Variants in CNGB3 observed in about 807,000 individuals in gnomAD.
The protein encoded by CNGB3 is cyclic nucleotide-gated channel beta-3.
CNGB3 carries 86 observed loss-of-function variants against 92.8 expected under a neutral mutation model. The observed-to-expected ratio is 0.93, with a 90% CI of 0.78 to 1.11. The LOEUF (loss-of-function observed/expected upper bound fraction) is 1.11. CNGB3 is among the 50% of genes least tolerant of loss of function. The probability of loss-of-function intolerance (pLI) is 0.00; values close to 1 mark genes in which losing one functional copy is unlikely to be tolerated. For synonymous variants in CNGB3, 333 were observed against 332.7 expected, an observed-to-expected ratio of 1.00 and a Z score of -0.01; for missense variants, 1,026 against 956.8, an observed-to-expected ratio of 1.07 and a Z score of -0.95.
chr8:86,579,322 T>C (rs1227539324), intron 15 of CNGB3, 70 bp from the exon 16 acceptor site: 1 of 1,533,524 alleles, frequency 6.5e-7, no homozygotes, highest in Non-Finnish European at 9.0e-7. Context: ...TTTAAAAAAA[T>C]AGCAACTATT....
intron 15 of CNGB3, chr8:86,594,379 C>G (rs1822123865): frequency 3.3e-6 from 1 of 305,196 alleles, no homozygotes. Flanking sequence ...CCTTCATTTT[C>G]TTGTAGGAAA....
chr8:86,658,618 A>T, intron 6 of CNGB3: 1 of 350,044 alleles, frequency 2.9e-6, no homozygotes, highest in Non-Finnish European at 5.4e-6. Context: ...TACTGATCTC[A>T]CTACTGCTGT....
chr8:86,698,388 A>G (rs968316833), intron 3 of CNGB3, among the ~76,000 whole-genome samples: 2 of 152,208 alleles, frequency 1.3e-5, no homozygotes, highest in Non-Finnish European at 2.9e-5. Context: ...TAATGAGTGG[A>G]ATAAAAAGCA....
At chr8:86,692,138 A>G (rs1824331428) in intron 3 of CNGB3, among the ~76,000 whole-genome samples, 1 of 152,114 alleles carries the variant, frequency 6.6e-6, no homozygotes, top group Admixed American at 6.5e-5. Flanking sequence ...CTTGTTTCGT[A>G]TTCTGTCATG....
In CNGB3 at chr8:86,594,487, C is replaced by T. The variant is rs116276368; in HGVS notation, c.1781+9606G>A. 1,622 of 290,028 alleles carry T rather than the reference C, an allele frequency of 5.6e-3. 25 individuals carry two copies. The highest frequency in any genetic ancestry group is 0.034 in the African/African-American group (1,493 of 43,614). The allele number at this position is 290,028 out of a possible 1,614,324, so 18.0% of individuals were successfully genotyped here. On this transcript the variant is annotated intron_variant, in intron 15 of 17. Coordinates refer to ENST00000320005, the MANE Select transcript of CNGB3 (RefSeq NM_019098.5). ...TAAAGACGTGGTCCAGGAGGGGACC[C>T]GACACGTAGCTCTGGAAGCCAGCCT...
chr8:86,686,415 G>A (rs1824189216), intron 3 of CNGB3, among the ~76,000 whole-genome samples: 1 of 152,066 alleles, frequency 6.6e-6, no homozygotes, highest in African/African-American at 2.4e-5. Context: ...ATTTGCATTT[G>A]CAACTTGATT....
At chr8:86,677,383 C>T (rs902724287) in intron 3 of CNGB3, among the ~76,000 whole-genome samples, 8 of 152,058 alleles carry the variant, frequency 5.3e-5, no homozygotes, top group Non-Finnish European at 7.4e-5. Flanking sequence ...AAACTTGAGT[C>T]GTAAGTTAAG....
At chr8:86,681,640 A>C (rs1443846951) in intron 3 of CNGB3, among the ~76,000 whole-genome samples, 7 of 152,194 alleles carry the variant, frequency 4.6e-5, no homozygotes, top group African/African-American at 1.7e-4. Context: ...GAAATGAATA[A>C]GAGAAAACTC....
At chr8:86,668,807 G>A (rs1309602462) in intron 4 of CNGB3, among the ~76,000 whole-genome samples, 1 of 152,114 alleles carries the variant, frequency 6.6e-6, no homozygotes, top group Non-Finnish European at 1.5e-5. Flanking sequence ...CTCTAGTGAG[G>A]GAAATGTCCT....
intron 13 of CNGB3, among the ~76,000 whole-genome samples, chr8:86,625,583 T>C (rs1293836366): frequency 6.6e-6 from 1 of 152,176 alleles, no homozygotes; most frequent in East Asian, 1.9e-4. Context: ...ATAGAAGACA[T>C]GATTAGGTAT....
chr8:86,721,587 G>T (rs1159420094), intron 3 of CNGB3, among the ~76,000 whole-genome samples: 1 of 152,026 alleles, frequency 6.6e-6, no homozygotes, highest in East Asian at 1.9e-4. Flanking sequence ...ATGATCTGTT[G>T]TTTAAATTGT....
chr8:86,697,532 A>G (rs1222137783), intron 3 of CNGB3, among the ~76,000 whole-genome samples: 1 of 152,238 alleles, frequency 6.6e-6, no homozygotes, highest in Non-Finnish European at 1.5e-5. Flanking sequence ...TTCCAACTGT[A>G]TGAAAGATAT....
At chr8:86,719,470 G>A (rs1269284721) in intron 3 of CNGB3, among the ~76,000 whole-genome samples, 1 of 152,050 alleles carries the variant, frequency 6.6e-6, no homozygotes, top group Non-Finnish European at 1.5e-5. Context: ...TAATGAGGAG[G>A]TAAAAGACCT....
In CNGB3 at chr8:86,611,498, C is replaced by G. The variant is rs1287341684; in HGVS notation, c.1662+90G>C. ...TCTATACTATGGAATTCACCCTGAA[C>G]AAATTTTGTTTAAACAATGTTCTTG... is the stretch of plus-strand genomic sequence containing the variant. On this transcript the variant is annotated intron_variant, in intron 14 of 17. Transcript: ENST00000320005. 6.0e-6 allele frequency: 6 copies of G among 1,000,820 alleles called. No individual in the cohort carries two copies. In the African/African-American group the frequency reaches 6.3e-5, roughly 11 times the overall value. The allele number at this position is 1,000,820 out of a possible 1,614,324, so 62.0% of individuals were successfully genotyped here.
intron 10 of CNGB3, among the ~76,000 whole-genome samples, chr8:86,635,280 C>T (rs971511251): frequency 6.6e-6 from 1 of 152,012 alleles, no homozygotes; most frequent in Non-Finnish European, 1.5e-5. Context: ...ATTTATTAAA[C>T]CTGACATTAC....
At chr8:86,656,728 C>G (rs1823514265) in intron 6 of CNGB3, among the ~76,000 whole-genome samples, 1 of 152,100 alleles carries the variant, frequency 6.6e-6, no homozygotes, top group South Asian at 2.1e-4. Flanking sequence ...CTCCCACCCC[C>G]CCAACCAAAA....
chr8:86,708,763 G>A (rs1196799504), intron 3 of CNGB3, among the ~76,000 whole-genome samples: 4 of 151,654 alleles, frequency 2.6e-5, no homozygotes, highest in Non-Finnish European at 5.9e-5. Flanking sequence ...TAAAGATGGG[G>A]TCTTGCTCTG....
Position 86,734,269 on chromosome 8 carries a change from A to G in CNGB3, c.211+5386T>C, listed in dbSNP as rs530359841. Among the ~76,000 whole-genome samples the G allele has an allele frequency of 7.6e-4, 116 of 152,226 alleles. No homozygotes were observed. In the Middle Eastern group the frequency reaches 0.01, roughly 13 times the overall value. On this transcript the variant is annotated intron_variant, in intron 2 of 17. Coordinates refer to ENST00000320005, the MANE Select transcript of CNGB3 (RefSeq NM_019098.5). The stretch of plus-strand genomic sequence containing the variant: ...CAGGCTATGTCAGTTTGGAGAGATG[A>G]TAGGGACCTGGGCAAGGCTGGGGGC...
At chr8:86,710,221 T>G (rs1824725386) in intron 3 of CNGB3, among the ~76,000 whole-genome samples, 1 of 152,238 alleles carries the variant, frequency 6.6e-6, no homozygotes, top group Non-Finnish European at 1.5e-5. Flanking sequence ...TTGTGCTGCT[T>G]CTTGAAAATC....
Sources: gnomAD v4.1 joint callset for allele counts (sites outside exome capture counted in the v4.1 genomes callset) on GRCh38, gnomAD v4.1.1 for gene constraint, MANE v1.5 for transcripts, NCBI Gene and HGNC (gene_info 2026-07-23, HGNC 2026-07-21) for gene names.